The following NLGN1 variants were observed in gnomAD, a reference collection of about 807,000 sequenced individuals.
NLGN1 encodes the protein neuroligin 1.
NLGN1 carries 12 observed loss-of-function variants against 65.5 expected under a neutral mutation model. The ratio of observed to expected loss-of-function variants is 0.18; its 90% CI spans 0.12 to 0.30. The LOEUF (loss-of-function observed/expected upper bound fraction) is 0.30. Ranked by LOEUF, NLGN1 falls within the 10% of genes least tolerant of loss-of-function variation. The pLI is 1.00. For synonymous variants in NLGN1, 350 were observed against 359.5 expected (o/e 0.97, Z 0.30); for missense variants, 750 against 1,007.1 (o/e 0.74, Z 3.46).
chr3:173,699,873 G>A (rs779444073), intron 3 of NLGN1, among the ~76,000 whole-genome samples: 6 of 152,310 alleles, frequency 3.9e-5, no homozygotes, highest in South Asian at 2.1e-4. Flanking sequence ...ACCAGTGGGA[G>A]GTAGGAGGAA....
At position 173,575,105 on chromosome 3, in the gene NLGN1, T is replaced by C. The variant is rs572182163; in HGVS notation, c.-320-29174T>C. On this transcript the variant is annotated intron_variant, in intron 2 of 6. Coordinates refer to ENST00000457714, the Ensembl canonical transcript of NLGN1. ...TCTCACTGTGTTGCCAAAGCTGGTC[T>C]CAAATTCCTGGCTTCAAAGGCCTTG... Among the ~76,000 whole-genome samples the C allele has an allele frequency of 2.6e-5, 4 of 152,236 alleles. No homozygotes were observed. The East Asian group carries it at 7.7e-4, about 29-fold the overall frequency.
At chr3:173,964,351 T>G (rs898196388) in intron 4 of NLGN1, among the ~76,000 whole-genome samples, 1 of 152,172 alleles carries the variant, frequency 6.6e-6, no homozygotes, top group Non-Finnish European at 1.5e-5. Context: ...GAAAGGTCCT[T>G]AGGGTTATCT....
At chr3:173,807,973 G>T in intron 4 of NLGN1, 141 bp downstream of exon 4, 1 of 744,834 alleles carries the variant, frequency 1.3e-6, no homozygotes, top group Non-Finnish European at 2.2e-6. Flanking sequence ...ATTTTTTATA[G>T]TTTCAATGAA....
At chr3:173,907,582 C>CTTTTT (rs561283815) in intron 4 of NLGN1, among the ~76,000 whole-genome samples, 9 of 120,688 alleles carry the variant, frequency 7.5e-5, no homozygotes, top group South Asian at 3.0e-4. Flanking sequence ...CTCTCTCTCT[C>CTTTTT]TTTTTTTTTT....
At chr3:173,952,287 G>A (rs914221683) in intron 4 of NLGN1, among the ~76,000 whole-genome samples, 2 of 152,236 alleles carry the variant, frequency 1.3e-5, no homozygotes, top group South Asian at 2.1e-4. Context: ...CAGTCTCTCC[G>A]GAGTCACTGA....
At chr3:173,832,954 T>C (rs1722895603) in intron 4 of NLGN1, among the ~76,000 whole-genome samples, 1 of 152,242 alleles carries the variant, frequency 6.6e-6, no homozygotes, top group African/African-American at 2.4e-5. Context: ...CCAGAAACTT[T>C]CTATTTCACT....
chr3:173,521,786 G>A (rs1361352826), intron 2 of NLGN1, among the ~76,000 whole-genome samples: 1 of 152,114 alleles, frequency 6.6e-6, no homozygotes, highest in African/African-American at 2.4e-5. Flanking sequence ...AATACTATGA[G>A]GTATATTCTA....
intron 4 of NLGN1, among the ~76,000 whole-genome samples, chr3:174,147,339 C>T (rs933719581): frequency 7.1e-6 from 1 of 141,322 alleles, no homozygotes. Flanking sequence ...TGTTGCTACG[C>T]GGTGTAGGTC....
chr3:173,858,111 A>G (rs1403304281), intron 4 of NLGN1, among the ~76,000 whole-genome samples: 2 of 152,108 alleles, frequency 1.3e-5, no homozygotes, highest in Non-Finnish European at 2.9e-5. Flanking sequence ...AACTATTTCA[A>G]GAACCTCACT....
intron 4 of NLGN1, among the ~76,000 whole-genome samples, chr3:174,045,366 GA>G (rs1232720175): frequency 2.0e-5 from 3 of 152,074 alleles, no homozygotes; most frequent in Admixed American, 6.5e-5. Flanking sequence ...AATGAGCGAA[GA>G]GGGGAAAAGC....
intron 4 of NLGN1, among the ~76,000 whole-genome samples, chr3:173,808,935 G>A (rs932415236): frequency 2.0e-5 from 3 of 152,020 alleles, no homozygotes; most frequent in Admixed American, 2.0e-4. Flanking sequence ...TCATAATTCT[G>A]TGTTTATGCT....
At chr3:174,278,451 A>C (rs947898882) in intron 5 of NLGN1, among the ~76,000 whole-genome samples, 1 of 152,000 alleles carries the variant, frequency 6.6e-6, no homozygotes, top group Non-Finnish European at 1.5e-5. Context: ...GCCAAACTGG[A>C]GGAAATATTC....
At chr3:173,922,988 C>T (rs1742323201) in intron 4 of NLGN1, among the ~76,000 whole-genome samples, 1 of 152,042 alleles carries the variant, frequency 6.6e-6, no homozygotes, top group Non-Finnish European at 1.5e-5. Flanking sequence ...TAATGACTGG[C>T]ACATACATAC....
chr3:174,268,082 T>TATG (rs1361192411), intron 4 of NLGN1, among the ~76,000 whole-genome samples: 3 of 152,180 alleles, frequency 2.0e-5, no homozygotes, highest in Non-Finnish European at 4.4e-5. Context: ...ACCTTTCTTA[T>TATG]ATGATAGACA....
chr3:173,708,642 A>C (rs1186481180), intron 3 of NLGN1, among the ~76,000 whole-genome samples: 1 of 152,128 alleles, frequency 6.6e-6, no homozygotes. Context: ...GAACACATCC[A>C]CTGGGCCCCC....
intron 2 of NLGN1, among the ~76,000 whole-genome samples, chr3:173,590,481 G>A (rs1748290355): frequency 6.6e-6 from 1 of 152,148 alleles, no homozygotes; most frequent in African/African-American, 2.4e-5. Flanking sequence ...CTAGTAGTCT[G>A]TATAACCTCC....
At chr3:173,901,172 G>C (rs1030025903) in intron 4 of NLGN1, among the ~76,000 whole-genome samples, 5 of 151,954 alleles carry the variant, frequency 3.3e-5, no homozygotes, top group African/African-American at 1.2e-4. Context: ...ACTAGTGTTT[G>C]TCATGGAATT....
intron 4 of NLGN1, among the ~76,000 whole-genome samples, chr3:173,879,650 A>C (rs1304891810): frequency 7.3e-6 from 1 of 136,692 alleles, no homozygotes; most frequent in East Asian, 2.5e-4. Context: ...TTTTTTTTTT[A>C]TCTAATTTGG....
chr3:173,748,605 A>G (rs1032534368), intron 3 of NLGN1, among the ~76,000 whole-genome samples: 2 of 152,174 alleles, frequency 1.3e-5, no homozygotes, highest in Non-Finnish European at 2.9e-5. Flanking sequence ...TTTACATGTT[A>G]TCACAACATC....
Sources: allele counts gnomAD v4.1 joint callset (sites outside exome capture counted in the v4.1 genomes callset), GRCh38; gene constraint gnomAD v4.1.1; transcripts MANE v1.5; gene names NCBI Gene and HGNC (gene_info 2026-07-23, HGNC 2026-07-21).